The following ANGPTL2 variants were observed in gnomAD, a reference collection of about 807,000 sequenced individuals.
The protein encoded by ANGPTL2 is angiopoietin-related protein 2.
A neutral mutation model predicts 52.8 loss-of-function variants in ANGPTL2; 25 were observed. The ratio of observed to expected loss-of-function variants is 0.47; its 90% CI spans 0.35 to 0.66. ANGPTL2 has a LOEUF of 0.66. Among genes scored for constraint, ANGPTL2 ranks in the 30% least tolerant of loss-of-function variants. The probability of loss-of-function intolerance (pLI) is 0.01; values close to 1 mark genes in which losing one functional copy is unlikely to be tolerated. For missense variants in ANGPTL2, 546 were observed against 656.9 expected (o/e 0.83, Z 1.84); for synonymous variants, 276 against 277.4 (o/e 1.00, Z 0.05).
intron 1 of ANGPTL2, among the ~76,000 whole-genome samples, chr9:127,110,691 A>G (rs575161145): frequency 2.6e-5 from 4 of 152,078 alleles, no homozygotes; most frequent in African/African-American, 9.7e-5. Context: ...GTGTTCATAA[A>G]TGTCCACTCT....
intron 1 of ANGPTL2, among the ~76,000 whole-genome samples, chr9:127,119,760 A>G (rs1013055056): frequency 2.0e-5 from 3 of 152,142 alleles, no homozygotes; most frequent in Non-Finnish European, 2.9e-5. Context: ...TGCGTTACAC[A>G]TTTTTGTCTG....
chr9:127,114,206 A>G (rs150485548), intron 1 of ANGPTL2, among the ~76,000 whole-genome samples: 407 of 152,292 alleles, frequency 2.7e-3, no homozygotes, highest in Non-Finnish European at 4.6e-3. Flanking sequence ...ACTCACATTC[A>G]TAGTCTTTAT....
chr9:127,108,351 G>C lies in ANGPTL2; in HGVS notation c.381C>G (p.Ser127Arg). The C allele has an allele frequency of 6.2e-7, 1 of 1,612,158 alleles. No individual in the cohort carries two copies. The highest frequency in any genetic ancestry group is 8.5e-7 in the Non-Finnish European group (1 of 1,179,000). The change falls in exon 2 of 5, where the codon AGC becomes AGG. Residue 127 changes from serine (S) to arginine (R), a missense_variant. Physicochemically the swap from Ser to Arg is moderately radical, Grantham distance 110. This residue lies in a region of ANGPTL2 where 285 missense variants were observed against 295.8 expected (regional missense o/e 0.96). Transcript: ENST00000373425. ...VSEVKLLRKE[S>R]RNMNSRVTQL... ...GCGTGACCCGCGAGTTCATGTTGCG[G>C]CTCTCCTTGCGCAGCAGCTTCACCT...
At chr9:127,094,652 T>A (rs1397412926) in intron 2 of ANGPTL2, among the ~76,000 whole-genome samples, 1 of 152,266 alleles carries the variant, frequency 6.6e-6, no homozygotes, top group Non-Finnish European at 1.5e-5. Flanking sequence ...CCCTTTCAGC[T>A]GAATCTGTGT....
chr9:127,113,868 C>T (rs1470329400), intron 1 of ANGPTL2, among the ~76,000 whole-genome samples: 1 of 152,208 alleles, frequency 6.6e-6, no homozygotes, highest in Non-Finnish European at 1.5e-5. Flanking sequence ...CATGTGTCCG[C>T]ATCCCTCTCA....
intron 2 of ANGPTL2, among the ~76,000 whole-genome samples, chr9:127,101,266 T>C (rs2787594): frequency 0.55 from 83,701 of 152,172 alleles, 23,737 homozygotes; most frequent in African/African-American, 0.67. Flanking sequence ...CCTGCACCTG[T>C]GAGAAAGCCA....
intron 1 of ANGPTL2, among the ~76,000 whole-genome samples, chr9:127,119,422 G>A (rs949733039): frequency 6.6e-6 from 1 of 152,194 alleles, no homozygotes; most frequent in African/African-American, 2.4e-5. Context: ...AGAAGTTGAG[G>A]TGTCTAAACA....
intron 2 of ANGPTL2, among the ~76,000 whole-genome samples, chr9:127,100,941 A>G (rs1033593190): frequency 5.3e-5 from 8 of 152,174 alleles, no homozygotes. Context: ...ACCACAAGCC[A>G]GTTGTATGTG....
intron 1 of ANGPTL2, among the ~76,000 whole-genome samples, chr9:127,120,589 C>T (rs777396734): frequency 4.4e-4 from 67 of 152,284 alleles, no homozygotes; most frequent in Non-Finnish European, 7.9e-4. Flanking sequence ...TTCGGGAGGC[C>T]GAGGTGGGCG....
chr9:127,100,249 C>A (rs1203172707), intron 2 of ANGPTL2, among the ~76,000 whole-genome samples: 1 of 152,082 alleles, frequency 6.6e-6, no homozygotes, highest in African/African-American at 2.4e-5. Flanking sequence ...AAAATTGTTC[C>A]AGTAAAAATT....
chr9:127,118,621 G>A (rs976925417), intron 1 of ANGPTL2, among the ~76,000 whole-genome samples: 8 of 152,186 alleles, frequency 5.3e-5, no homozygotes, highest in Admixed American at 5.2e-4. Context: ...GTAAGACGGG[G>A]ACAGCACCAC....
intron 4 of ANGPTL2, among the ~76,000 whole-genome samples, chr9:127,090,712 G>A (rs2052362418): frequency 6.6e-6 from 1 of 152,204 alleles, no homozygotes; most frequent in Admixed American, 6.5e-5. Context: ...GGAAATGGAG[G>A]CAGGAGGGGA....
At chr9:127,099,908 G>C (rs1564576586) in intron 2 of ANGPTL2, among the ~76,000 whole-genome samples, 1 of 152,144 alleles carries the variant, frequency 6.6e-6, no homozygotes, top group Non-Finnish European at 1.5e-5. Flanking sequence ...TGGTGCCTGG[G>C]GCCAATGAGT....
Position 127,093,739 on chromosome 9 carries a change from C to T in ANGPTL2, c.1005G>A (p.Thr335=), listed in dbSNP as rs748331538. The change falls in exon 3 of 5, where the codon ACG becomes ACA. Residue 335 remains threonine, a synonymous_variant. Coordinates refer to ENST00000373425, the MANE Select transcript of ANGPTL2 (RefSeq NM_012098.3). Reference sequence around the variant, plus strand: ...ATCCCCTGCCGAGTCTCACCTTGTACGTCTCCCAGTTCCTGAAGAAGTTAA... The same window carrying T: ...ATCCCCTGCCGAGTCTCACCTTGTATGTCTCCCAGTTCCTGAAGAAGTTAA... ...GSVNFFRNWE[T]YKQGFGNIDG... is the part of the protein sequence containing the mutation. 3.0e-5 allele frequency: 49 copies of T among 1,613,886 alleles called. No homozygotes were observed. Among genetic ancestry groups the T allele is most frequent in the Non-Finnish European group, 3.6e-5 (43 of 1,179,962 alleles).
rs187244217 is a variant in ANGPTL2, at chr9:127,091,434, C to T, written c.1282+236G>A. ...GTGATTTGTATACCTCTTTATGTCT[C>T]GCCCCATCCCATTTTTTTTTTCTTA... On this transcript the variant is annotated intron_variant, in intron 4 of 4. Transcript: ENST00000373425. This position sits in a 1 kb window ranked among gnomAD's most constrained non-coding sequence, Gnocchi z 4.3. 1.3e-5 allele frequency among the ~76,000 whole-genome samples: 2 copies of T among 152,262 alleles called. No individual in the cohort carries two copies. Among genetic ancestry groups the T allele is most frequent in the Admixed American group, 6.5e-5 (1 of 15,294 alleles).
chr9:127,116,229 G>A (rs2055401563), intron 1 of ANGPTL2, among the ~76,000 whole-genome samples: 1 of 152,018 alleles, frequency 6.6e-6, no homozygotes. Flanking sequence ...TGATGCTTTG[G>A]GCTCTTGTGC....
chr9:127,112,615 T>C (rs1479161893), intron 1 of ANGPTL2, among the ~76,000 whole-genome samples: 1 of 152,238 alleles, frequency 6.6e-6, no homozygotes, highest in Non-Finnish European at 1.5e-5. Context: ...GTTCTTGCCA[T>C]TGCACTTGAG....
rs562437360 is a variant in ANGPTL2, at chr9:127,121,538, A to C, written c.-50+777T>G. 1.6e-4 allele frequency among the ~76,000 whole-genome samples: 24 copies of C among 152,346 alleles called. 1 individual carries two copies. In the South Asian group the frequency reaches 5.0e-3, roughly 32 times the overall value. On this transcript the variant is annotated intron_variant, in intron 1 of 4. Coordinates refer to ENST00000373425, the MANE Select transcript of ANGPTL2 (RefSeq NM_012098.3). ...GCAAGAGCTGACCCATGACACACAT[A>C]TCATAGAAGGAGAAGGGAAGGATCA...
rs141105945 is a variant in ANGPTL2 at position 127,117,268 on chromosome 9, A to T, written c.-50+5047T>A. 2.1e-3 allele frequency among the ~76,000 whole-genome samples: 315 copies of T among 152,278 alleles called. 2 individuals are homozygous for T. The highest frequency in any genetic ancestry group is 0.02 in the Middle Eastern group (6 of 294). On this transcript the variant is annotated intron_variant, in intron 1 of 4. Coordinates refer to ENST00000373425, the MANE Select transcript of ANGPTL2 (RefSeq NM_012098.3). The stretch of plus-strand genomic sequence containing the variant: ...GCTTCCAACTCAACACCCAAGACTC[A>T]GATTGCAGTCATCTGGTTATCTCCC...
Sources: allele counts gnomAD v4.1 joint callset (sites outside exome capture counted in the v4.1 genomes callset), GRCh38; gene constraint gnomAD v4.1.1; regional missense constraint gnomAD v4.1.1; non-coding constraint Gnocchi (gnomAD v3.1); transcripts MANE v1.5; gene names NCBI Gene and HGNC (gene_info 2026-07-23, HGNC 2026-07-21).